AIG1: variants seen among roughly 807,000 people sequenced by gnomAD.
AIG1 encodes androgen-induced gene 1 protein.
Under a neutral mutation model 31.4 loss-of-function variants are expected in AIG1, and 23 were observed. The observed-to-expected ratio is 0.73, with a 90% CI of 0.53 to 1.04. The LOEUF is 1.04. Among genes scored for constraint, AIG1 ranks in the 50% least tolerant of loss-of-function variants. The pLI is 0.00. For missense variants in AIG1, 274 were observed against 295.0 expected (o/e 0.93, Z 0.52); for synonymous variants, 100 against 110.5 (o/e 0.90, Z 0.60).
intron 3 of AIG1, among the ~76,000 whole-genome samples, chr6:143,250,815 G>A (rs997605974): frequency 2.0e-5 from 3 of 152,092 alleles, no homozygotes; most frequent in South Asian, 4.2e-4. Context: ...ATATTATGAC[G>A]GGTTGTTTTT....
chr6:143,337,394 C>G (rs1418835452), intron 5 of AIG1, among the ~76,000 whole-genome samples: 1 of 152,046 alleles, frequency 6.6e-6, no homozygotes, highest in East Asian at 1.9e-4. Flanking sequence ...TACCTAATTT[C>G]GTTAGCACAT....
intron 3 of AIG1, among the ~76,000 whole-genome samples, chr6:143,165,617 C>T (rs944339732): frequency 2.0e-5 from 3 of 152,182 alleles, no homozygotes; most frequent in African/African-American, 7.2e-5. Context: ...GGACAGTTTC[C>T]CTCAGATGGG....
At chr6:143,305,683 GA>G (rs1583811327) in intron 4 of AIG1, among the ~76,000 whole-genome samples, 2 of 152,110 alleles carry the variant, frequency 1.3e-5, no homozygotes, top group East Asian at 1.9e-4. Context: ...GTGCGGTGCT[GA>G]AAAAAATGTA....
At chr6:143,233,816 T>C (rs976964226) in intron 3 of AIG1, among the ~76,000 whole-genome samples, 8 of 152,362 alleles carry the variant, frequency 5.3e-5, no homozygotes, top group African/African-American at 1.9e-4. Context: ...CTCTTTAGGC[T>C]GAATTTCAAG....
rs915567908 is a variant in AIG1, at chr6:143,279,307, A to G, written c.400-4803A>G. 6.6e-6 allele frequency among the ~76,000 whole-genome samples: 1 copy of G among 152,198 alleles called. No individual in the cohort carries two copies. The highest frequency in any genetic ancestry group is 6.5e-5 in the Admixed American group (1 of 15,280). Reference sequence around the variant, plus strand: ...CATTAGCTCTTCAGGAGAAGCACTAATTTAATCCAACTGCCTCATTTTACA... The same window carrying G: ...CATTAGCTCTTCAGGAGAAGCACTAGTTTAATCCAACTGCCTCATTTTACA... On this transcript the variant is annotated intron_variant, in intron 3 of 5. Transcript: ENST00000357847. This position sits in a 1 kb window ranked among gnomAD's most constrained non-coding sequence, Gnocchi z 5.4.
chr6:143,283,384 C>A (rs199969022), intron 3 of AIG1, among the ~76,000 whole-genome samples: 1 of 152,196 alleles, frequency 6.6e-6, no homozygotes, highest in African/African-American at 2.4e-5. Context: ...GCTGATTTGG[C>A]GTTGTTTGCT....
In AIG1 at chr6:143,334,160, G is replaced by C; in HGVS notation, c.679+715G>C. On this transcript the variant is annotated intron_variant, in intron 5 of 5. Transcript: ENST00000357847. The surrounding 1 kb of genome is among the most constrained non-coding windows in gnomAD (Gnocchi z 5.1). ...GTGTATGTACAATAACATAAAAATT[G>C]AAAGGTGGAAAAAGCGCCAGCACAG... 6.7e-7 allele frequency: 1 copy of C among 1,495,190 alleles called. No individual in the cohort carries two copies. Among genetic ancestry groups the C allele is most frequent in the South Asian group, 1.3e-5 (1 of 79,682 alleles). The allele number at this position is 1,495,190 out of a possible 1,614,324, so 92.6% of individuals were successfully genotyped here.
intron 1 of AIG1, among the ~76,000 whole-genome samples, chr6:143,115,392 T>C (rs575029705): frequency 4.6e-4 from 70 of 152,166 alleles, no homozygotes; most frequent in Non-Finnish European, 9.4e-4. Flanking sequence ...GGCTGGAAGT[T>C]TTAGAGCCAG....
At position 143,307,799 on chromosome 6, in the gene AIG1, C is replaced by G. The variant is rs371107734; in HGVS notation, c.515+23574C>G. ...CTTTTTGTTTGTCTGTGCCCTGCCC[C>G]CAGAGGTGGAGCCTACAGAGGCAGG... On this transcript the variant is annotated intron_variant, in intron 4 of 5. Coordinates refer to ENST00000357847, the MANE Select transcript of AIG1 (RefSeq NM_016108.4). Among the ~76,000 whole-genome samples the G allele has an allele frequency of 7.7e-3, 1,177 of 152,302 alleles. 37 individuals are homozygous for G. Among genetic ancestry groups the G allele is most frequent in the Admixed American group, 0.048 (728 of 15,308 alleles).
chr6:143,234,256 T>C (rs906132573), intron 3 of AIG1, among the ~76,000 whole-genome samples: 7 of 152,208 alleles, frequency 4.6e-5, no homozygotes, highest in Admixed American at 4.6e-4. Context: ...GGTAAAAGAT[T>C]TCTTTTTATA....
intron 3 of AIG1, among the ~76,000 whole-genome samples, chr6:143,225,923 T>C (rs1792911597): frequency 6.6e-6 from 1 of 152,208 alleles, no homozygotes; most frequent in South Asian, 2.1e-4. Flanking sequence ...TGTTTTATAG[T>C]CAATAACACA....
At chr6:143,170,952 A>C (rs927987528) in intron 3 of AIG1, among the ~76,000 whole-genome samples, 1 of 152,126 alleles carries the variant, frequency 6.6e-6, no homozygotes, top group Non-Finnish European at 1.5e-5. Context: ...AGCCTGCAGG[A>C]CAAATGGGAC....
intron 4 of AIG1, among the ~76,000 whole-genome samples, chr6:143,308,465 G>A (rs949287613): frequency 6.6e-5 from 10 of 152,104 alleles, no homozygotes; most frequent in African/African-American, 2.4e-4. Flanking sequence ...TCAACACCTG[G>A]GCTTGCTCAT....
At chr6:143,143,360 G>A (rs966373050) in intron 2 of AIG1, among the ~76,000 whole-genome samples, 7 of 149,686 alleles carry the variant, frequency 4.7e-5, no homozygotes, top group African/African-American at 1.5e-4. Flanking sequence ...AATTAGCCGG[G>A]CTTGGTGGCG....
At chr6:143,189,496 G>T (rs1789592237) in intron 3 of AIG1, 2 of 985,272 alleles carry the variant, frequency 2.0e-6, no homozygotes, top group Admixed American at 1.2e-4. Context: ...TATTTCATTA[G>T]GTTTTGCTGA....
intron 1 of AIG1, among the ~76,000 whole-genome samples, chr6:143,129,733 T>C (rs1783045049): frequency 1.3e-5 from 2 of 152,132 alleles, no homozygotes; most frequent in African/African-American, 4.8e-5. Context: ...AAGCAACTGT[T>C]TCACAAGAAT....
intron 3 of AIG1, among the ~76,000 whole-genome samples, chr6:143,219,939 G>A (rs1792340331): frequency 6.6e-6 from 1 of 152,142 alleles, no homozygotes. Flanking sequence ...TTTTCAGAAT[G>A]TGAATAATGA....
rs148091156 is a variant in AIG1, at chr6:143,317,599, C to G, written c.516-15683C>G. 4.3e-3 allele frequency among the ~76,000 whole-genome samples: 656 copies of G among 152,216 alleles called. 5 individuals are homozygous for G. The highest frequency in any genetic ancestry group is 0.015 in the African/African-American group (632 of 41,538). ...ATTCCCTCTGAGAACTGGAACAAGACAAGGATGCCCACTCTCACCACTTTT... is the reference window on the plus strand; with the variant it reads ...ATTCCCTCTGAGAACTGGAACAAGAGAAGGATGCCCACTCTCACCACTTTT... On this transcript the variant is annotated intron_variant, in intron 4 of 5. Coordinates refer to ENST00000357847, the MANE Select transcript of AIG1 (RefSeq NM_016108.4).
chr6:143,146,358 G>A (rs1424653015), intron 2 of AIG1, among the ~76,000 whole-genome samples: 7 of 152,040 alleles, frequency 4.6e-5, no homozygotes, highest in African/African-American at 7.2e-5. Flanking sequence ...AATGTGACCC[G>A]CAAAACCAGG....
Sources: allele counts gnomAD v4.1 joint callset (sites outside exome capture counted in the v4.1 genomes callset), GRCh38; gene constraint gnomAD v4.1.1; non-coding constraint Gnocchi (gnomAD v3.1); transcripts MANE v1.5; gene names NCBI Gene and HGNC (gene_info 2026-07-23, HGNC 2026-07-21).